The following TNIK variants were observed in gnomAD, a reference collection of about 807,000 sequenced individuals.
The protein encoded by TNIK is TRAF2 and NCK-interacting protein kinase.
TNIK carries 49 observed loss-of-function variants against 191.3 expected under a neutral mutation model. That is an observed-to-expected ratio of 0.26 (90% CI 0.20 to 0.32). The LOEUF is 0.32. Ranked by LOEUF, TNIK falls within the 10% of genes least tolerant of loss-of-function variation. The pLI, the probability that TNIK is intolerant of heterozygous loss-of-function variation, is 1.00. For synonymous variants in TNIK, 594 were observed against 600.9 expected, an observed-to-expected ratio of 0.99 and a Z score of 0.17; for missense variants, 1,155 against 1,702.3, an observed-to-expected ratio of 0.68 and a Z score of 5.66.
At position 171,085,236 on chromosome 3, in the gene TNIK, A is replaced by G. The variant is rs1318595161; in HGVS notation, c.2887-7T>C. The G allele has an allele frequency of 2.5e-6, 4 of 1,599,558 alleles. No homozygotes were observed. Among genetic ancestry groups the G allele is most frequent in the Non-Finnish European group, 8.5e-7 (1 of 1,172,682 alleles). ...TGCTGCTCCCCATGCCATACTAATC[A>G]ATAAGCAAGAAGATTAAGAAGAGCA... On this transcript the variant is annotated splice_region_variant and splice_polypyrimidine_tract_variant and intron_variant, in intron 24 of 32. Transcript: ENST00000436636.
chr3:171,435,473 C>A (rs1411053233), intron 1 of TNIK, among the ~76,000 whole-genome samples: 1 of 152,156 alleles, frequency 6.6e-6, no homozygotes, highest in Non-Finnish European at 1.5e-5. Context: ...CACAGAGAGT[C>A]TCTGGTGTTT....
At chr3:171,361,965 C>A (rs1715046198) in intron 2 of TNIK, among the ~76,000 whole-genome samples, 1 of 152,074 alleles carries the variant, frequency 6.6e-6, no homozygotes, top group Non-Finnish European at 1.5e-5. Flanking sequence ...AAGGGTAGAA[C>A]CAAAACCATA....
intron 1 of TNIK, among the ~76,000 whole-genome samples, chr3:171,391,569 T>A (rs945912046): frequency 1.3e-5 from 2 of 152,204 alleles, no homozygotes; most frequent in Non-Finnish European, 2.9e-5. Context: ...TATCTTCACA[T>A]AAATAAGTAC....
intron 28 of TNIK, among the ~76,000 whole-genome samples, chr3:171,075,105 G>A (rs368192541): frequency 1.3e-5 from 2 of 152,336 alleles, no homozygotes; most frequent in African/African-American, 4.8e-5. Flanking sequence ...ATATGCAAGA[G>A]ATAATATTCA....
intron 20 of TNIK, 139 bp downstream of exon 20, chr3:171,107,926 T>A (rs1725187050): frequency 2.5e-6 from 2 of 790,136 alleles, no homozygotes; most frequent in Non-Finnish European, 1.9e-6. Context: ...GGTATGACTT[T>A]CTTCGGGATG....
At chr3:171,103,203 C>T (rs1235610621) in intron 21 of TNIK, among the ~76,000 whole-genome samples, 6 of 151,758 alleles carry the variant, frequency 4.0e-5, no homozygotes, top group African/African-American at 1.5e-4. Flanking sequence ...TGCACATTTG[C>T]ACATTTGCAC....
At chr3:171,357,551 C>CTTG (rs1714285756) in intron 2 of TNIK, among the ~76,000 whole-genome samples, 1 of 126,958 alleles carries the variant, frequency 7.9e-6, no homozygotes, top group Non-Finnish European at 1.7e-5. Flanking sequence ...AGCCTCTGTA[C>CTTG]TTTTTTTTTT....
chr3:171,103,794 A>G (rs1434844351), intron 21 of TNIK, among the ~76,000 whole-genome samples: 1 of 152,124 alleles, frequency 6.6e-6, no homozygotes, highest in African/African-American at 2.4e-5. Context: ...AATTAATGAT[A>G]CATTTTCCCC....
chr3:171,173,583 C>A (rs1316186518), intron 9 of TNIK, among the ~76,000 whole-genome samples: 1 of 152,132 alleles, frequency 6.6e-6, no homozygotes, highest in Admixed American at 6.5e-5. Context: ...GGCCAGAAAT[C>A]TAAATGTAAT....
intron 1 of TNIK, among the ~76,000 whole-genome samples, chr3:171,445,712 T>C (rs1187815947): frequency 6.6e-6 from 1 of 152,106 alleles, no homozygotes; most frequent in Non-Finnish European, 1.5e-5. Context: ...CAGCAAGAAG[T>C]AGTTAATACA....
At chr3:171,081,990 C>T (rs1720753098) in intron 27 of TNIK, among the ~76,000 whole-genome samples, 1 of 152,164 alleles carries the variant, frequency 6.6e-6, no homozygotes, top group African/African-American at 2.4e-5. Flanking sequence ...TGAGTCCTGA[C>T]AGAGGTAAAG....
chr3:171,079,560 T>C lies in TNIK; in HGVS notation c.3406A>G (p.Ile1136Val). The change falls in exon 28 of 33, where the codon ATC becomes GTC. Residue 1136 changes from isoleucine to valine, a missense_variant. Physicochemically the swap from Ile to Val is conservative, Grantham distance 29. This residue lies in a region of TNIK where 195 missense variants were observed against 415.4 expected (regional missense o/e 0.47). Coordinates refer to ENST00000436636, the MANE Select transcript of TNIK (RefSeq NM_015028.4). The part of the protein sequence containing the change: ...DPEVEKKQGW[I>V]TVGDLEGCIH... ...CAGCCTTCCAAGTCCCCAACAGTGA[T>C]CCAGCCTTGTTTCTTTTCTACTTCT... 1 of 1,613,782 alleles carries C rather than the reference T, an allele frequency of 6.2e-7. No individual in the cohort carries two copies. The highest frequency in any genetic ancestry group is 8.5e-7 in the Non-Finnish European group (1 of 1,179,798).
At chr3:171,444,845 C>A (rs1577963971) in intron 1 of TNIK, among the ~76,000 whole-genome samples, 1 of 151,878 alleles carries the variant, frequency 6.6e-6, no homozygotes, top group East Asian at 1.9e-4. Context: ...TCAGGCATAC[C>A]CAAATTTCCA....
intron 22 of TNIK, among the ~76,000 whole-genome samples, chr3:171,097,747 T>C (rs554016741): frequency 6.6e-6 from 1 of 152,296 alleles, no homozygotes; most frequent in East Asian, 1.9e-4. Flanking sequence ...TTATACACTC[T>C]CAGGTATTTC....
intron 2 of TNIK, among the ~76,000 whole-genome samples, chr3:171,315,996 C>T (rs968855272): frequency 6.6e-6 from 1 of 152,124 alleles, no homozygotes; most frequent in African/African-American, 2.4e-5. Context: ...ATACTACTGC[C>T]TTCTTAACCA....
chr3:171,126,035 G>A lies in TNIK; in HGVS notation c.1890C>T (p.Ser630=). The stretch of plus-strand genomic sequence containing the variant: ...TCTGGCGTGGCATCTCCACGCGGTG[G>A]GAGGTCACGTTCAGAGCCTCCTGAA... The part of the protein sequence containing the change: ...SGFQEALNVT[S]HRVEMPRQNS... Residue 630 remains serine, a synonymous_variant, in exon 17 of 33, where the codon TCC becomes TCT. Coordinates refer to ENST00000436636, the MANE Select transcript of TNIK (RefSeq NM_015028.4). 2.5e-6 allele frequency: 4 copies of A among 1,613,944 alleles called. No individual in the cohort carries two copies. Among genetic ancestry groups the A allele is most frequent in the Non-Finnish European group, 3.4e-6 (4 of 1,179,880 alleles).
intron 2 of TNIK, among the ~76,000 whole-genome samples, chr3:171,284,863 G>A (rs1481886366): frequency 6.6e-6 from 1 of 152,180 alleles, no homozygotes; most frequent in Non-Finnish European, 1.5e-5. Context: ...GATTACTAAA[G>A]CAGGGAAGGA....
chr3:171,117,836 G>A (rs144860490), intron 18 of TNIK, among the ~76,000 whole-genome samples: 3 of 152,122 alleles, frequency 2.0e-5, no homozygotes, highest in African/African-American at 7.2e-5. Flanking sequence ...TGGGCTTGGT[G>A]GTGGGCCCCT....
At chr3:171,112,084 C>T (rs917705478) in intron 18 of TNIK, among the ~76,000 whole-genome samples, 1 of 152,122 alleles carries the variant, frequency 6.6e-6, no homozygotes, top group African/African-American at 2.4e-5. Context: ...AAAATGATAA[C>T]TATGTGAGGT....
Sources: allele counts gnomAD v4.1 joint callset (sites outside exome capture counted in the v4.1 genomes callset), GRCh38; gene constraint gnomAD v4.1.1; regional missense constraint gnomAD v4.1.1; transcripts MANE v1.5; gene names NCBI Gene and HGNC (gene_info 2026-07-23, HGNC 2026-07-21).